Variants in CARMIL2 observed in about 807,000 individuals in gnomAD.
CARMIL2 encodes the protein capping protein regulator and myosin 1 linker 2.
Under a neutral mutation model 173.3 loss-of-function variants are expected in CARMIL2, and 96 were observed. The observed-to-expected ratio is 0.55, with a 90% CI of 0.47 to 0.66. The LOEUF (loss-of-function observed/expected upper bound fraction) is 0.66, where lower values mean the gene tolerates loss of function less well. Ranked by LOEUF, CARMIL2 falls within the 30% of genes least tolerant of loss-of-function variation. The probability of loss-of-function intolerance (pLI) is 0.00; values close to 1 mark genes in which losing one functional copy is unlikely to be tolerated. For missense variants in CARMIL2, 1,771 were observed against 1,906.7 expected (o/e 0.93, Z 1.33); for synonymous variants, 830 against 817.1 (o/e 1.02, Z -0.27).
At chr16:67,656,350 A>AGTT in intron 34 of CARMIL2, 51 bp downstream of exon 34, 5 of 1,610,380 alleles carry the variant, frequency 3.1e-6, no homozygotes, top group Non-Finnish European at 4.2e-6. Context: ...GACAGGCAGG[A>AGTT]GTTGGGTCAG....
At position 67,653,270 on chromosome 16, in the gene CARMIL2, C is replaced by A; in HGVS notation, c.3120+16C>A. ...GGGCCCCCAGGTGAGCACCCTTCCCCCACTCCGGAGCGCGTGGAATTGGGG... is the reference window on the plus strand; with the variant it reads ...GGGCCCCCAGGTGAGCACCCTTCCCACACTCCGGAGCGCGTGGAATTGGGG... On this transcript the variant is annotated intron_variant, in intron 29 of 37. Coordinates refer to ENST00000334583, the MANE Select transcript of CARMIL2 (RefSeq NM_001013838.3). The surrounding 1 kb of genome is among the most constrained non-coding windows in gnomAD (Gnocchi z 7.4). 1 of 1,119,780 alleles carries A rather than the reference C, an allele frequency of 8.9e-7. No individual in the cohort carries two copies. Among genetic ancestry groups the A allele is most frequent in the Non-Finnish European group, 1.1e-6 (1 of 908,106 alleles). 69.4% of individuals were successfully genotyped at this position (1,119,780 alleles called of 1,614,324 possible).
At position 67,649,749 on chromosome 16, in the gene CARMIL2, AGGGTT is replaced by A. The variant is rs889364519; in HGVS notation, c.1920-52_1920-48del. ...CTGACGAGGCGAATGGACTAGGCCG[AGGGTT>A]GGGTGGGGCGTTGGGAAGCTCCGTC... On this transcript the variant is annotated intron_variant, in intron 20 of 37. Transcript: ENST00000334583. The surrounding 1 kb of genome is among the most constrained non-coding windows in gnomAD (Gnocchi z 6.7). 37 of 1,586,748 alleles carry A rather than the reference AGGGTT, an allele frequency of 2.3e-5. No homozygotes were observed. Among genetic ancestry groups the A allele is most frequent in the Non-Finnish European group, 3.1e-5 (36 of 1,165,100 alleles).
rs1238344242 is a variant in CARMIL2, at chr16:67,648,179, G to C, written c.1199G>C (p.Arg400Thr). The change falls in exon 14 of 38, where the codon AGG (arginine) becomes ACG (threonine). Residue 400 changes from arginine to threonine, a missense_variant. Around this residue, in one of 3 missense-constraint regions of CARMIL2, gnomAD observed 944 missense variants for 975.6 expected, o/e 0.97. Coordinates refer to ENST00000334583, the MANE Select transcript of CARMIL2 (RefSeq NM_001013838.3). This position sits in a 1 kb window ranked among gnomAD's most constrained non-coding sequence, Gnocchi z 6.1. ...TGGATGACCGGCAGGGCGGACTGGAGGGCGGGACGGGGAGGGCTCGGTCCC... is the reference window on the plus strand; with the variant it reads ...TGGATGACCGGCAGGGCGGACTGGACGGCGGGACGGGGAGGGCTCGGTCCC... Reference protein sequence around the residue: ...GGWMTGRADWRAGRGGLGPPA... With the variant: ...GGWMTGRADWTAGRGGLGPPA... 3 of 1,609,226 alleles carry C rather than the reference G, an allele frequency of 1.9e-6. No individual in the cohort carries two copies. The East Asian group carries it at 6.7e-5, about 36-fold the overall frequency.
rs777355584 is a variant in CARMIL2, at chr16:67,650,005, G to C, written c.2082+37G>C. On this transcript the variant is annotated intron_variant, in intron 21 of 37. Transcript: ENST00000334583. ...CCTCTTCCCTTGCCCTTCTCTGCAC[G>C]GTAACTCCGTCCCTCGGCATTTCTC... The C allele has an allele frequency of 1.8e-5, 29 of 1,613,330 alleles. 1 individual carries two copies. In the South Asian group the frequency reaches 1.9e-4, roughly 10 times the overall value.
chr16:67,652,648 C>A lies in CARMIL2; in HGVS notation c.2884+110C>A. 9.3e-7 allele frequency: 1 copy of A among 1,077,062 alleles called. No individual in the cohort carries two copies. Among genetic ancestry groups the A allele is most frequent in the Non-Finnish European group, 1.4e-6 (1 of 731,910 alleles). The allele number at this position is 1,077,062 out of a possible 1,614,324, so 66.7% of individuals were successfully genotyped here. A position where few individuals can be genotyped will look rare whatever the true frequency, so the allele number is the denominator to read the frequency against. The stretch of plus-strand genomic sequence containing the variant: ...CATTCAGCCTTGTCTGGGTACCCAC[C>A]AGCCCTTGACTGGGCCAGGTCGGGC... On this transcript the variant is annotated intron_variant, in intron 28 of 37. Coordinates refer to ENST00000334583, the MANE Select transcript of CARMIL2 (RefSeq NM_001013838.3). This position sits in a 1 kb window ranked among gnomAD's most constrained non-coding sequence, Gnocchi z 4.7.
In CARMIL2 at chr16:67,651,523, G is replaced by A. The variant is rs770766359; in HGVS notation, c.2427+9G>A. 9 of 1,578,130 alleles carry A rather than the reference G, an allele frequency of 5.7e-6. No homozygotes were observed. The South Asian group carries it at 8.2e-5, about 14-fold the overall frequency. On this transcript the variant is annotated intron_variant, in intron 24 of 37. Transcript: ENST00000334583. This position sits in a 1 kb window ranked among gnomAD's most constrained non-coding sequence, Gnocchi z 4.2. ...GCCGCCAGGACATCCAGGTGAGAGG[G>A]TACTCCTGCCCCAACCCCACCTCCG... is the stretch of plus-strand genomic sequence containing the variant.
chr16:67,645,391 G>C (rs967037379), intron 1 of CARMIL2, 105 bp downstream of exon 1: 41 of 1,411,190 alleles, frequency 2.9e-5, no homozygotes, highest in Admixed American at 3.9e-5. Context: ...GGTCCTCCCT[G>C]CTCCCCAGGA....
Position 67,652,175 on chromosome 16 carries a change from A to G in CARMIL2, c.2677-24A>G, listed in dbSNP as rs371007678. 21 of 1,609,108 alleles carry G rather than the reference A, an allele frequency of 1.3e-5. No homozygotes were observed. The highest frequency in any genetic ancestry group is 1.7e-5 in the Non-Finnish European group (20 of 1,178,462). ...GATCATGGCTGAGGCCCTACCTGCCATCTTTGGCTGCTTGGTATTGCAGGT... is the reference window on the plus strand; with the variant it reads ...GATCATGGCTGAGGCCCTACCTGCCGTCTTTGGCTGCTTGGTATTGCAGGT... On this transcript the variant is annotated intron_variant, in intron 26 of 37. Transcript: ENST00000334583. This position sits in a 1 kb window ranked among gnomAD's most constrained non-coding sequence, Gnocchi z 4.7.
At position 67,654,557 on chromosome 16, in the gene CARMIL2, T is replaced by C. The variant is rs767354552; in HGVS notation, c.3447T>C (p.Gly1149=). ...GTCCCAGCCGTGGTGAGGAGCTTGG[T>C]GGGGCTGAGGGGGACACCAGCAGCC... ...PTRPSRGEEL[G]GAEGDTSSPD... Residue 1149 remains glycine, a synonymous_variant, in exon 31 of 38, where the codon GGT becomes GGC. Transcript: ENST00000334583. The C allele has an allele frequency of 6.2e-7, 1 of 1,611,672 alleles. No individual in the cohort carries two copies. The highest frequency in any genetic ancestry group is 8.5e-7 in the Non-Finnish European group (1 of 1,179,344).
rs977403348 is a variant in CARMIL2, at chr16:67,649,680, G to A, written c.1919+61G>A. On this transcript the variant is annotated intron_variant, in intron 20 of 37. Coordinates refer to ENST00000334583, the MANE Select transcript of CARMIL2 (RefSeq NM_001013838.3). This position sits in a 1 kb window ranked among gnomAD's most constrained non-coding sequence, Gnocchi z 6.7. ...GGGGCGCGGTGGAGAGGAGGGCACC[G>A]GGCTAAGGGGAGGGACTGAATGAGG... 2 of 1,556,608 alleles carry A rather than the reference G, an allele frequency of 1.3e-6. No individual in the cohort carries two copies. Among genetic ancestry groups the A allele is most frequent in the African/African-American group, 1.3e-5 (1 of 74,122 alleles).
chr16:67,654,830 G>A lies in CARMIL2; in HGVS notation c.3635G>A (p.Arg1212Gln), dbSNP rs769495465. 14 of 1,613,684 alleles carry A rather than the reference G, an allele frequency of 8.7e-6. No individual in the cohort carries two copies. Among genetic ancestry groups the A allele is most frequent in the Non-Finnish European group, 1.1e-5 (13 of 1,179,890 alleles). Residue 1212 changes from arginine (R) to glutamine (Q), a missense_variant, in exon 32 of 38, where the codon CGG (arginine) becomes CAG (glutamine). By Grantham distance (43) the Arg-to-Gln change is conservative. Around this residue, in one of 3 missense-constraint regions of CARMIL2, gnomAD observed 817 missense variants for 903.5 expected, o/e 0.90. Transcript: ENST00000334583. ...GAACTGGCTCCATCCTTTGAACAGC[G>A]GGTACAAGTAATGCTGCAGAGGATA... ...ETELAPSFEQ[R>Q]VQVMLQRIGV... is the part of the protein sequence containing the mutation.
In CARMIL2 at chr16:67,654,880, G is replaced by A; in HGVS notation, c.3685G>A (p.Ala1229Thr). ...AGGCGTCAGCCGAGGCAGCGGGGGT[G>A]CCGAAGGCAAGAGGAAGCAAGTGAG... ...RIGVSRGSGG[A>T]EGKRKQSKDG... The change falls in exon 32 of 38, where the codon GCC becomes ACC. Residue 1229 changes from alanine (A) to threonine (T), a missense_variant. This residue lies in a region of CARMIL2 where 817 missense variants were observed against 903.5 expected (regional missense o/e 0.90). Transcript: ENST00000334583. The A allele has an allele frequency of 6.2e-7, 1 of 1,613,728 alleles. No individual in the cohort carries two copies. The highest frequency in any genetic ancestry group is 1.1e-5 in the South Asian group (1 of 91,056).
In CARMIL2 at chr16:67,651,329, C is replaced by T. The variant is rs201566661; in HGVS notation, c.2313+14C>T. 1 of 1,612,748 alleles carries T rather than the reference C, an allele frequency of 6.2e-7. No individual in the cohort carries two copies. The highest frequency in any genetic ancestry group is 8.5e-7 in the Non-Finnish European group (1 of 1,179,120). On this transcript the variant is annotated intron_variant, in intron 23 of 37. Transcript: ENST00000334583. This position sits in a 1 kb window ranked among gnomAD's most constrained non-coding sequence, Gnocchi z 4.2. ...TTCTCTCTCAGCGTGAGCACTCCCC[C>T]TCCTGCTACAAGGACCCTTCCCCTC...
At chr16:67,650,805 A>G (rs2052708688) in intron 22 of CARMIL2, 2 of 202,780 alleles carry the variant, frequency 9.9e-6, no homozygotes, top group Non-Finnish European at 2.0e-5. Context: ...CCTCTAGACC[A>G]ACCTTCATAC....
At position 67,647,953 on chromosome 16, in the gene CARMIL2, A is replaced by T; in HGVS notation, c.1066A>T (p.Ser356Cys). Residue 356 changes from serine (S) to cysteine (C), a missense_variant, in exon 13 of 38, where the codon AGT becomes TGT. Physicochemically the swap from Ser to Cys is moderately radical, Grantham distance 112. Around this residue, in one of 3 missense-constraint regions of CARMIL2, gnomAD observed 944 missense variants for 975.6 expected, o/e 0.97. Transcript: ENST00000334583. ...NPGALGASED[S>C]GGLYSFLSRP... ...TGGGGCGCTGGGGGCCTCCGAGGAC[A>T]GTGGGGTGAGTGGCTGTCTTCAGGG... 6.2e-7 allele frequency: 1 copy of T among 1,606,424 alleles called. No homozygotes were observed. The highest frequency in any genetic ancestry group is 2.2e-5 in the East Asian group (1 of 44,814).
At position 67,647,763 on chromosome 16, in the gene CARMIL2, C is replaced by G. The variant is rs1210887840; in HGVS notation, c.955C>G (p.Arg319Gly). 6.7e-7 allele frequency: 1 copy of G among 1,488,740 alleles called. No homozygotes were observed. Among genetic ancestry groups the G allele is most frequent in the Admixed American group, 2.2e-5 (1 of 45,276 alleles). 92.2% of individuals were successfully genotyped at this position (1,488,740 alleles called of 1,614,324 possible). A position where few individuals can be genotyped will look rare whatever the true frequency, so the allele number is the denominator to read the frequency against. Residue 319 changes from arginine (R) to glycine (G), a missense_variant, in exon 12 of 38, where the codon CGA becomes GGA. Physicochemically the swap from Arg to Gly is moderately radical, Grantham distance 125 (BLOSUM62 -2). Transcript: ENST00000334583. ...CCTGGCCCAGACAGGGTTGACACCG[C>G]GAGGTAGGCTGGATGAGGGAGGGGG... is the stretch of plus-strand genomic sequence containing the variant. ...LSLAQTGLTP[R>G]GMRALGRALA...
At chr16:67,655,379 T>C (rs539841433) in intron 32 of CARMIL2, among the ~76,000 whole-genome samples, 1 of 152,148 alleles carries the variant, frequency 6.6e-6, no homozygotes, top group South Asian at 2.1e-4. Flanking sequence ...GCAGTGAGCC[T>C]AGATCGTGCC....
chr16:67,647,807 G>GGGGGGGGGGGGC, intron 12 of CARMIL2, 39 bp from the exon 13 acceptor site: 1 of 1,092,408 alleles, frequency 9.2e-7, no homozygotes, highest in Non-Finnish European at 1.4e-6. Context: ...GGGGGGTGGG[G>GGGGGGGGGGGGC]GTCTGTCCAA....
In CARMIL2 at chr16:67,656,855, A is replaced by C; in HGVS notation, c.4091A>C (p.His1364Pro). ...GCAGGGCGGCGAGCAGTGTCTGTGC[A>C]TGAGGACCAGCTCCAGGCCCCTGCT... ...LSAGRRAVSV[H>P]EDQLQAPAER... Residue 1364 changes from histidine (H) to proline (P), a missense_variant, in exon 36 of 38, where the codon CAT becomes CCT. His to Pro is a moderately conservative substitution (Grantham distance 77, BLOSUM62 -2). Coordinates refer to ENST00000334583, the MANE Select transcript of CARMIL2 (RefSeq NM_001013838.3). 1 of 1,550,290 alleles carries C rather than the reference A, an allele frequency of 6.5e-7. No individual in the cohort carries two copies. Among genetic ancestry groups the C allele is most frequent in the Non-Finnish European group, 8.7e-7 (1 of 1,146,502 alleles).
Sources: gnomAD v4.1 joint callset for allele counts (sites outside exome capture counted in the v4.1 genomes callset) on GRCh38, gnomAD v4.1.1 for gene constraint, gnomAD v4.1.1 regional missense constraint, Gnocchi (gnomAD v3.1) non-coding constraint, MANE v1.5 for transcripts, NCBI Gene and HGNC (gene_info 2026-07-23, HGNC 2026-07-21) for gene names.